DNTT: variants seen among roughly 807,000 people sequenced by gnomAD.
DNTT encodes the protein DNA nucleotidylexotransferase.
Under a neutral mutation model 60.9 loss-of-function variants are expected in DNTT, and 47 were observed. The observed-to-expected ratio is 0.77, with a 90% CI of 0.61 to 0.98. The LOEUF (loss-of-function observed/expected upper bound fraction) is 0.98. Ranked by LOEUF, DNTT falls within the 50% of genes least tolerant of loss-of-function variation. The probability of loss-of-function intolerance (pLI) is 0.00; values close to 1 mark genes in which losing one functional copy is unlikely to be tolerated. For missense variants in DNTT, 665 were observed against 627.5 expected (o/e 1.06, Z -0.64); for synonymous variants, 224 against 221.2 (o/e 1.01, Z -0.11).
At chr10:96,322,091 G>A (rs959375400) in intron 4 of DNTT, among the ~76,000 whole-genome samples, 1 of 152,128 alleles carries the variant, frequency 6.6e-6, no homozygotes, top group African/African-American at 2.4e-5. Flanking sequence ...GAGCGCCAGA[G>A]GTTGTGCTTA....
At chr10:96,337,283 A>G (rs1195313101) in intron 10 of DNTT, among the ~76,000 whole-genome samples, 2 of 152,086 alleles carry the variant, frequency 1.3e-5, no homozygotes, top group Non-Finnish European at 2.9e-5. Context: ...TCATGTGCCT[A>G]TCCCTGAACC....
At chr10:96,319,448 T>C (rs1462300633) in intron 3 of DNTT, 58 bp downstream of exon 3, 2 of 1,597,384 alleles carry the variant, frequency 1.3e-6, no homozygotes, top group Non-Finnish European at 1.7e-6. Flanking sequence ...CTTCTTTCTG[T>C]GGACCGCAAA....
At chr10:96,335,713 C>G (rs1845060238) in intron 9 of DNTT, among the ~76,000 whole-genome samples, 178 bp from the exon 10 acceptor site, 1 of 152,192 alleles carries the variant, frequency 6.6e-6, no homozygotes, top group Non-Finnish European at 1.5e-5. Context: ...ACAGAGCTTA[C>G]ATTCTAGTGT....
chr10:96,313,183 T>C (rs2133984673), intron 1 of DNTT, among the ~76,000 whole-genome samples: 1 of 152,246 alleles, frequency 6.6e-6, no homozygotes, highest in East Asian at 1.9e-4. Flanking sequence ...GGCCAAGAAA[T>C]TAGGAGAAGA....
chr10:96,307,777 A>ATTTTT (rs1554920345), intron 1 of DNTT, among the ~76,000 whole-genome samples: 36 of 126,032 alleles, frequency 2.9e-4, no homozygotes, highest in African/African-American at 1.1e-3. Flanking sequence ...ATATATATAT[A>ATTTTT]TTTTTTTTTT....
At chr10:96,324,595 C>T (rs1026327832) in intron 6 of DNTT, among the ~76,000 whole-genome samples, 2 of 152,182 alleles carry the variant, frequency 1.3e-5, no homozygotes, top group Admixed American at 6.5e-5. Flanking sequence ...CCTTAGTTAC[C>T]TAATCTATGA....
intron 1 of DNTT, among the ~76,000 whole-genome samples, chr10:96,313,351 A>G (rs1419787498): frequency 6.6e-6 from 1 of 152,218 alleles, no homozygotes; most frequent in Non-Finnish European, 1.5e-5. Flanking sequence ...TCAATCACAG[A>G]TTCATTTGCC....
chr10:96,327,428 C>T (rs145425377), intron 6 of DNTT, 40 bp from the exon 7 acceptor site: 110 of 1,613,760 alleles, frequency 6.8e-5, no homozygotes, highest in African/African-American at 1.2e-4. Flanking sequence ...GTTTCACACA[C>T]GTGTCACTCT....
At chr10:96,307,503 C>T (rs1463401764) in intron 1 of DNTT, among the ~76,000 whole-genome samples, 12 of 150,166 alleles carry the variant, frequency 8.0e-5, no homozygotes, top group South Asian at 4.2e-4. Context: ...TACAGGCACG[C>T]GTCAGCACGC....
chr10:96,324,757 G>A (rs934535871), intron 6 of DNTT, among the ~76,000 whole-genome samples: 2 of 152,208 alleles, frequency 1.3e-5, no homozygotes, highest in East Asian at 1.9e-4. Flanking sequence ...CTGCTGATCT[G>A]GTCCTTACTG....
At chr10:96,324,196 A>C in intron 5 of DNTT, 70 bp from the exon 6 acceptor site, 1 of 1,528,560 alleles carries the variant, frequency 6.5e-7, no homozygotes, top group African/African-American at 1.4e-5. Context: ...TGAGACCTAG[A>C]AAGGGTCATG....
Position 96,304,584 on chromosome 10 carries a change from C to A in DNTT, c.87C>A (p.Asp29Glu), listed in dbSNP as rs926674843. The stretch of plus-strand genomic sequence containing the variant: ...CCTTGATGGCCTCCTCTCCTCAAGA[C>A]ATCAAATTTCAAGATTTGGTCGTCT... ...TGALMASSPQ[D>E]IKFQDLVVFI... The change falls in exon 1 of 11, where the codon GAC (aspartate) becomes GAA (glutamate). Residue 29 changes from aspartate to glutamate, a missense_variant. Physicochemically the swap from Asp to Glu is conservative, Grantham distance 45 (BLOSUM62 2). Transcript: ENST00000371174. 6.2e-7 allele frequency: 1 copy of A among 1,614,160 alleles called. No homozygotes were observed. The highest frequency in any genetic ancestry group is 2.2e-5 in the East Asian group (1 of 44,868).
intron 9 of DNTT, among the ~76,000 whole-genome samples, chr10:96,335,568 C>T (rs1845057614): frequency 6.6e-6 from 1 of 152,218 alleles, no homozygotes; most frequent in Non-Finnish European, 1.5e-5. Context: ...TTACTCTGGA[C>T]CAGGCATTAT....
At chr10:96,320,485 AC>A in intron 3 of DNTT, 132 bp from the exon 4 acceptor site, 1 of 954,182 alleles carries the variant, frequency 1.0e-6, no homozygotes, top group Non-Finnish European at 1.6e-6. Flanking sequence ...GGTATGGGAG[AC>A]CCCATCCTGA....
intron 1 of DNTT, among the ~76,000 whole-genome samples, chr10:96,314,647 C>T (rs1374562674): frequency 2.6e-5 from 4 of 151,370 alleles, no homozygotes; most frequent in Non-Finnish European, 5.9e-5. Flanking sequence ...CTCCTGACCT[C>T]ATGATCTGCC....
intron 1 of DNTT, among the ~76,000 whole-genome samples, chr10:96,308,102 G>A (rs975553689): frequency 6.6e-6 from 1 of 152,084 alleles, no homozygotes; most frequent in African/African-American, 2.4e-5. Flanking sequence ...TCAGCTGATA[G>A]GCAACAGTTT....
At chr10:96,323,565 T>C (rs1389006251) in intron 5 of DNTT, among the ~76,000 whole-genome samples, 2 of 148,116 alleles carry the variant, frequency 1.4e-5, no homozygotes, top group Non-Finnish European at 2.9e-5. Flanking sequence ...TCATGGGACA[T>C]GAGGACCATG....
At chr10:96,326,758 G>A (rs1415064921) in intron 6 of DNTT, among the ~76,000 whole-genome samples, 1 of 152,196 alleles carries the variant, frequency 6.6e-6, no homozygotes, top group East Asian at 1.9e-4. Flanking sequence ...ACCCTAGATA[G>A]GAGAGCAGCG....
At chr10:96,304,970 T>C (rs1271558694) in intron 1 of DNTT, among the ~76,000 whole-genome samples, 1 of 152,236 alleles carries the variant, frequency 6.6e-6, no homozygotes, top group Non-Finnish European at 1.5e-5. Context: ...TATTTAGGGA[T>C]GATAAGCAGA....
Sources: allele counts gnomAD v4.1 joint callset (sites outside exome capture counted in the v4.1 genomes callset), GRCh38; gene constraint gnomAD v4.1.1; transcripts MANE v1.5; gene names NCBI Gene and HGNC (gene_info 2026-07-23, HGNC 2026-07-21).